Variants in LINC00237 observed in about 807,000 individuals in gnomAD.
LINC00237 encodes the protein long intergenic non-protein coding RNA 237.
intron 3 of LINC00237, among the ~76,000 whole-genome samples, chr20:21,086,661 A>ATATATAT (rs2030704742): frequency 1.5e-5 from 2 of 132,928 alleles, no homozygotes; most frequent in South Asian, 4.4e-4. Flanking sequence ...ATATATGTAT[A>ATATATAT]GTATACTATA....
At chr20:21,099,242 G>C (rs6137262) in intron 1 of LINC00237, among the ~76,000 whole-genome samples, 1 of 152,184 alleles carries the variant, frequency 6.6e-6, no homozygotes, top group African/African-American at 2.4e-5. Flanking sequence ...GGATAGCCCC[G>C]AGCCAGGCAG....
intron 2 of LINC00237, chr20:21,092,853 C>T (rs370365541): frequency 1.3e-5 from 2 of 152,300 alleles, no homozygotes; most frequent in East Asian, 3.9e-4. Context: ...TGCCAGGAAA[C>T]TTTCTAGAAA....
intron 2 of LINC00237, among the ~76,000 whole-genome samples, chr20:21,091,379 A>T (rs762383995): frequency 6.6e-6 from 1 of 152,174 alleles, no homozygotes; most frequent in Non-Finnish European, 1.5e-5. Flanking sequence ...CATTACAGAC[A>T]CTTCTATGGC....
At chr20:21,096,287 G>A (rs955669378) in intron 1 of LINC00237, among the ~76,000 whole-genome samples, 1 of 152,200 alleles carries the variant, frequency 6.6e-6, no homozygotes, top group Non-Finnish European at 1.5e-5. Context: ...TCTGCTCCTG[G>A]AAGTCATCTC....
intron 1 of LINC00237, among the ~76,000 whole-genome samples, chr20:21,098,354 T>C (rs1366948550): frequency 1.3e-5 from 2 of 152,200 alleles, no homozygotes; most frequent in Admixed American, 1.3e-4. Context: ...GCAGTGTCTA[T>C]AGCTCTATGG....
intron 2 of LINC00237, among the ~76,000 whole-genome samples, chr20:21,088,442 C>T (rs1355069176): frequency 6.6e-6 from 1 of 152,196 alleles, no homozygotes; most frequent in Non-Finnish European, 1.5e-5. Flanking sequence ...TATACTATTA[C>T]TACAGAAGTC....
At chr20:21,096,392 A>G (rs1166510652) in intron 1 of LINC00237, among the ~76,000 whole-genome samples, 1 of 152,188 alleles carries the variant, frequency 6.6e-6, no homozygotes, top group African/African-American at 2.4e-5. Context: ...AGGTGCAAGT[A>G]TGAGATGACA....
chr20:21,088,384 A>G (rs535954697), intron 2 of LINC00237, among the ~76,000 whole-genome samples: 76 of 152,316 alleles, frequency 5.0e-4, no homozygotes, highest in African/African-American at 1.7e-3. Context: ...AACCAAAGCT[A>G]TGCTGAGTCA....
intron 2 of LINC00237, among the ~76,000 whole-genome samples, chr20:21,092,096 T>TA: frequency 6.6e-6 from 1 of 152,322 alleles, no homozygotes; most frequent in Non-Finnish European, 1.5e-5. Flanking sequence ...TCAACTCAAT[T>TA]AAAGAGTCCA....
intron 2 of LINC00237, chr20:21,090,012 C>T (rs1382314139): frequency 5.9e-5 from 9 of 152,192 alleles, no homozygotes; most frequent in Non-Finnish European, 1.2e-4. Context: ...TTTATGTAGA[C>T]GTCTGAATGT....
chr20:21,090,249 C>G (rs1300150503), intron 2 of LINC00237: 1 of 152,200 alleles, frequency 6.6e-6, no homozygotes, highest in East Asian at 1.9e-4. Context: ...TGTTTGTGAA[C>G]AGGAAGGCCA....
chr20:21,100,507 A>G lies in LINC00237; in HGVS notation n.88+5764T>C, dbSNP rs116046350. Among the ~76,000 whole-genome samples, 1,515 of 152,370 alleles carry G rather than the reference A, an allele frequency of 9.9e-3. 23 individuals are homozygous for G. Among genetic ancestry groups the G allele is most frequent in the African/African-American group, 0.034 (1,428 of 41,592 alleles). On this transcript the variant is annotated intron_variant and non_coding_transcript_variant, in intron 1 of 3. Transcript: ENST00000691244. Reference sequence around the variant, plus strand: ...GCAACTTTCCTCCACCGCTGCCTACAAGGGAGGCTCTGGCTTCCGTTTACT... The same window carrying G: ...GCAACTTTCCTCCACCGCTGCCTACGAGGGAGGCTCTGGCTTCCGTTTACT...
intron 1 of LINC00237, among the ~76,000 whole-genome samples, chr20:21,094,595 T>C (rs2030832070): frequency 6.6e-6 from 1 of 152,144 alleles, no homozygotes; most frequent in African/African-American, 2.4e-5. Context: ...AGCATGATAG[T>C]ATCCGAATAT....
intron 1 of LINC00237, among the ~76,000 whole-genome samples, chr20:21,099,071 C>T (rs2030895859): frequency 6.6e-6 from 1 of 152,218 alleles, no homozygotes; most frequent in Non-Finnish European, 1.5e-5. Flanking sequence ...CTACAAGTGC[C>T]TCCTTTCCAG....
chr20:21,100,035 C>A (rs1283672559), intron 1 of LINC00237, among the ~76,000 whole-genome samples: 1 of 152,170 alleles, frequency 6.6e-6, no homozygotes, highest in Non-Finnish European at 1.5e-5. Flanking sequence ...CCTCCGATGG[C>A]GCCTATCAAT....
At position 21,101,846 on chromosome 20, in the gene LINC00237, G is replaced by T. The variant is rs1488637975; in HGVS notation, n.88+4425C>A. 1.3e-5 allele frequency among the ~76,000 whole-genome samples: 2 copies of T among 152,210 alleles called. No homozygotes were observed. The highest frequency in any genetic ancestry group is 4.8e-5 in the African/African-American group (2 of 41,558). ...CACAGCCCCCTAGCTGAGTGCAGGG[G>T]CCAGAGGCTGGCGGGGGCACGCGGG... On this transcript the variant is annotated intron_variant and non_coding_transcript_variant, in intron 1 of 3. Transcript: ENST00000691244. The surrounding 1 kb of genome is among the most constrained non-coding windows in gnomAD (Gnocchi z 4.3).
chr20:21,088,273 T>A (rs556540231), intron 2 of LINC00237, among the ~76,000 whole-genome samples: 1 of 152,300 alleles, frequency 6.6e-6, no homozygotes, highest in East Asian at 1.9e-4. Flanking sequence ...TGGGGCCTGT[T>A]CTCCTCCACC....
intron 2 of LINC00237, among the ~76,000 whole-genome samples, chr20:21,088,803 C>A (rs915921514): frequency 1.3e-5 from 2 of 152,064 alleles, no homozygotes; most frequent in African/African-American, 4.8e-5. Flanking sequence ...GATCTTTGAG[C>A]CATGGGCTTG....
intron 1 of LINC00237, among the ~76,000 whole-genome samples, chr20:21,105,086 C>T (rs2030980941): frequency 6.6e-6 from 1 of 152,220 alleles, no homozygotes; most frequent in Non-Finnish European, 1.5e-5. Flanking sequence ...ACCAGGCGCG[C>T]CGTTCTGGCG....
Sources: allele counts gnomAD v4.1 joint callset (sites outside exome capture counted in the v4.1 genomes callset), GRCh38; gene constraint gnomAD v4.1.1; non-coding constraint Gnocchi (gnomAD v3.1); transcripts MANE v1.5; gene names NCBI Gene and HGNC (gene_info 2026-07-23, HGNC 2026-07-21).